GOLGB1: variants seen among roughly 807,000 people sequenced by gnomAD.
GOLGB1 encodes the protein golgin B1, also known as golgin subfamily B member 1.
In GOLGB1, 174 loss-of-function variants were observed where a neutral mutation model predicts 336.9. That is an observed-to-expected ratio of 0.52 (90% confidence interval 0.46 to 0.59). The LOEUF is 0.59. Ranked by LOEUF, GOLGB1 falls within the 20% of genes least tolerant of loss-of-function variation. The probability of loss-of-function intolerance (pLI) is 0.00; values close to 1 mark genes in which losing one functional copy is unlikely to be tolerated. For synonymous variants in GOLGB1, 1,208 were observed against 1,289.2 expected (o/e 0.94, Z 1.35); for missense variants, 3,331 against 3,645.3 (o/e 0.91, Z 2.22).
At chr3:121,737,507 C>T (rs766010301) in intron 1 of GOLGB1, among the ~76,000 whole-genome samples, 6 of 151,740 alleles carry the variant, frequency 4.0e-5, no homozygotes, top group Non-Finnish European at 7.4e-5. Flanking sequence ...AAAAATTAGC[C>T]GGGTGTGGTG....
intron 17 of GOLGB1, among the ~76,000 whole-genome samples, chr3:121,675,568 G>A (rs1283747074): frequency 1.3e-5 from 2 of 152,110 alleles, no homozygotes; most frequent in Non-Finnish European, 2.9e-5. Flanking sequence ...TAAAAGAAAA[G>A]GTATGACTCC....
At chr3:121,666,426 C>A (rs1938625397) in intron 20 of GOLGB1, among the ~76,000 whole-genome samples, 1 of 152,072 alleles carries the variant, frequency 6.6e-6, no homozygotes, top group South Asian at 2.1e-4. Context: ...CCGGTCTAAA[C>A]AATTCAATAG....
Position 121,716,798 on chromosome 3 carries a change from C to A in GOLGB1, c.1227G>T (p.Lys409Asn). 6.2e-7 allele frequency: 1 copy of A among 1,613,590 alleles called. No homozygotes were observed. Among genetic ancestry groups the A allele is most frequent in the Non-Finnish European group, 8.5e-7 (1 of 1,179,548 alleles). Residue 409 changes from lysine to asparagine, a missense_variant, in exon 9 of 22, where the codon AAG becomes AAT. By Grantham distance (94) the Lys-to-Asn change is moderately conservative. Coordinates refer to ENST00000614479, the MANE Select transcript of GOLGB1 (RefSeq NM_001366282.2). ...ACDALKDQNSKLLQDKNEQAV... is the reference protein window; with the variant it reads ...ACDALKDQNSNLLQDKNEQAV... Reference sequence around the variant, plus strand: ...CTTGCTCATTCTTATCTTGGAGAAGCTTTGAATTTTGATCCTTTAGAGCAT... The same window carrying A: ...CTTGCTCATTCTTATCTTGGAGAAGATTTGAATTTTGATCCTTTAGAGCAT...
Position 121,702,605 on chromosome 3 carries a change from A to T in GOLGB1, c.1405-10T>A. On this transcript the variant is annotated splice_polypyrimidine_tract_variant and intron_variant, in intron 10 of 21. Transcript: ENST00000614479. Reference sequence around the variant, plus strand: ...TCTCCTCAGTGACTGCCTAAATTGTAGAAAGACAACAAATTAATGATTCTC... The same window carrying T: ...TCTCCTCAGTGACTGCCTAAATTGTTGAAAGACAACAAATTAATGATTCTC... 1.5e-6 allele frequency: 2 copies of T among 1,308,314 alleles called. No individual in the cohort carries two copies. The highest frequency in any genetic ancestry group is 2.1e-6 in the Non-Finnish European group (2 of 960,514). 81.0% of individuals were successfully genotyped at this position (1,308,314 alleles called of 1,614,324 possible). A position where few individuals can be genotyped will look rare whatever the true frequency, so the allele number is the denominator to read the frequency against.
Position 121,664,298 on chromosome 3 carries a change from G to A in GOLGB1, c.*182C>T. On this transcript the variant is annotated 3_prime_UTR_variant, in exon 22 of 22. Transcript: ENST00000614479. ...CAGGGCAGTAGAAGAAAGCAGACTCGCCAGTCCCTGCAGCTCCAACCTGTC... is the reference window on the plus strand; with the variant it reads ...CAGGGCAGTAGAAGAAAGCAGACTCACCAGTCCCTGCAGCTCCAACCTGTC... 3 of 615,642 alleles carry A rather than the reference G, an allele frequency of 4.9e-6. No homozygotes were observed. Among genetic ancestry groups the A allele is most frequent in the South Asian group, 2.0e-5 (1 of 50,436 alleles). 38.1% of individuals were successfully genotyped at this position (615,642 alleles called of 1,614,324 possible).
At position 121,729,978 on chromosome 3, in the gene GOLGB1, T is replaced by C. The variant is rs1056693108; in HGVS notation, c.136A>G (p.Thr46Ala). The C allele has an allele frequency of 1.9e-6, 3 of 1,611,450 alleles. No homozygotes were observed. Among genetic ancestry groups the C allele is most frequent in the Non-Finnish European group, 2.5e-6 (3 of 1,177,894 alleles). ...QESDMEFNNT[T>A]QEDVQERLAY... is the part of the protein sequence containing the mutation. Reference sequence around the variant, plus strand: ...AGGCGCTCCTGAACATCTTCTTGTGTAGTATTATTAAATTCCATGTCAGAT... The same window carrying C: ...AGGCGCTCCTGAACATCTTCTTGTGCAGTATTATTAAATTCCATGTCAGAT... The change falls in exon 3 of 22, where the codon ACA (threonine) becomes GCA (alanine). Residue 46 changes from threonine (T) to alanine (A), a missense_variant. Thr to Ala is a moderately conservative substitution (Grantham distance 58). Coordinates refer to ENST00000614479, the MANE Select transcript of GOLGB1 (RefSeq NM_001366282.2).
At chr3:121,725,759 A>T (rs1227749067) in intron 5 of GOLGB1, among the ~76,000 whole-genome samples, 2 of 152,120 alleles carry the variant, frequency 1.3e-5, no homozygotes, top group African/African-American at 4.8e-5. Flanking sequence ...ATGGATTAAC[A>T]CATTCACAGA....
At chr3:121,690,268 A>G (rs753271030) in intron 14 of GOLGB1, among the ~76,000 whole-genome samples, 3 of 152,180 alleles carry the variant, frequency 2.0e-5, no homozygotes, top group Non-Finnish European at 4.4e-5. Flanking sequence ...ATTGTAAACA[A>G]GACACTAAAT....
chr3:121,710,316 G>A (rs1008968155), intron 10 of GOLGB1, among the ~76,000 whole-genome samples: 2 of 152,014 alleles, frequency 1.3e-5, no homozygotes, highest in Non-Finnish European at 2.9e-5. Context: ...CCAGAAAATA[G>A]AAAAGGGAAC....
intron 14 of GOLGB1, among the ~76,000 whole-genome samples, chr3:121,683,988 C>G (rs370421272): frequency 9.7e-4 from 147 of 151,578 alleles, no homozygotes; most frequent in Middle Eastern, 6.9e-3. Context: ...ATTAGCTGGG[C>G]GTGGTGGCGG....
At chr3:121,692,965 A>G (rs1942589052) in intron 13 of GOLGB1, among the ~76,000 whole-genome samples, 1 of 152,238 alleles carries the variant, frequency 6.6e-6, no homozygotes, top group Non-Finnish European at 1.5e-5. Flanking sequence ...AATCTGTTTT[A>G]GAACAGAAGG....
At chr3:121,741,342 G>T (rs1262774772) in intron 1 of GOLGB1, among the ~76,000 whole-genome samples, 1 of 152,114 alleles carries the variant, frequency 6.6e-6, no homozygotes, top group Non-Finnish European at 1.5e-5. Context: ...AGCATAGTAT[G>T]TAATGATTAT....
chr3:121,728,328 T>C (rs972958629), intron 4 of GOLGB1, among the ~76,000 whole-genome samples: 2 of 152,164 alleles, frequency 1.3e-5, no homozygotes, highest in African/African-American at 2.4e-5. Flanking sequence ...CCTAGAAAAC[T>C]GATTAAAATC....
chr3:121,697,295 C>T lies in GOLGB1; in HGVS notation c.3228G>A (p.Val1076=), dbSNP rs1943032284. 5.6e-6 allele frequency: 9 copies of T among 1,613,712 alleles called. No individual in the cohort carries two copies. Among genetic ancestry groups the T allele is most frequent in the Non-Finnish European group, 7.6e-6 (9 of 1,179,762 alleles). The change falls in exon 13 of 22, where the codon GTG becomes GTA. Residue 1076 remains valine, a synonymous_variant. Transcript: ENST00000614479. ...AATCCTTCCTTATATGCTGTAGTTC[C>T]ACTTCTTTCTCAGATATTGTCTGTT... ...YLKQTISEKE[V]ELQHIRKDLE...
chr3:121,674,088 G>C (rs891838935), intron 17 of GOLGB1, among the ~76,000 whole-genome samples: 9 of 152,098 alleles, frequency 5.9e-5, no homozygotes, highest in African/African-American at 2.2e-4. Context: ...ACTGATTTTT[G>C]CCTGTTGATT....
chr3:121,664,742 T>C (rs1465064379), intron 21 of GOLGB1, 128 bp from the exon 22 acceptor site: 8 of 961,698 alleles, frequency 8.3e-6, no homozygotes, highest in African/African-American at 1.6e-5. Flanking sequence ...GAGAGGAAAG[T>C]TGCCTCAGAG....
At chr3:121,727,311 T>TAC (rs1560307648) in intron 4 of GOLGB1, among the ~76,000 whole-genome samples, 1 of 37,988 alleles carries the variant, frequency 2.6e-5, no homozygotes. Flanking sequence ...TATATATATA[T>TAC]ATATATATAT....
intron 14 of GOLGB1, among the ~76,000 whole-genome samples, chr3:121,686,784 G>A (rs1257399949): frequency 2.0e-5 from 3 of 152,122 alleles, no homozygotes; most frequent in African/African-American, 7.2e-5. Flanking sequence ...TCTGAGCTCT[G>A]GAATGACCTT....
At chr3:121,717,788 T>C (rs1228890453) in intron 8 of GOLGB1, among the ~76,000 whole-genome samples, 2 of 152,188 alleles carry the variant, frequency 1.3e-5, no homozygotes, top group Non-Finnish European at 2.9e-5. Context: ...ACAGGTCAAG[T>C]ATCCCTTATT....
Sources: gnomAD v4.1 joint callset for allele counts (sites outside exome capture counted in the v4.1 genomes callset) on GRCh38, gnomAD v4.1.1 for gene constraint, MANE v1.5 for transcripts, NCBI Gene and HGNC (gene_info 2026-07-23, HGNC 2026-07-21) for gene names.